ANKRD30BL: variants seen among roughly 807,000 people sequenced by gnomAD.
ANKRD30BL encodes the protein ankyrin repeat domain 30B like, also known as putative ankyrin repeat domain-containing protein 30B-like.
ANKRD30BL carries 20 observed loss-of-function variants against 18.4 expected under a neutral mutation model. The ratio of observed to expected loss-of-function variants is 1.09; its 90% confidence interval spans 0.77 to 1.58. The LOEUF (loss-of-function observed/expected upper bound fraction) is 1.58. Ranked by LOEUF, ANKRD30BL falls within the 40% of genes most tolerant of loss-of-function variation. The pLI, the probability that ANKRD30BL is intolerant of heterozygous loss-of-function variation, is 0.00. For missense variants in ANKRD30BL, 224 were observed against 268.6 expected (o/e 0.83, Z 1.16); for synonymous variants, 72 against 100.9 (o/e 0.71, Z 1.72).
At chr2:132,196,450 A>G (rs547969192) in intron 1 of ANKRD30BL, among the ~76,000 whole-genome samples, 9 of 133,164 alleles carry the variant, frequency 6.8e-5, no homozygotes, top group South Asian at 2.7e-4. Context: ...ACTCTGGGGG[A>G]AAAAAAAAGT....
At chr2:132,155,700 C>A (rs917908305) in intron 3 of ANKRD30BL, 1 of 151,896 alleles carries the variant, frequency 6.6e-6, no homozygotes, top group Non-Finnish European at 1.5e-5. Flanking sequence ...GAGATCGAGA[C>A]CATCGTGGTC....
At chr2:132,228,842 C>G (rs1273367166) in intron 1 of ANKRD30BL, among the ~76,000 whole-genome samples, 1 of 149,458 alleles carries the variant, frequency 6.7e-6, no homozygotes, top group Non-Finnish European at 1.5e-5. Context: ...ACAGAGTAAA[C>G]CTTTCTTTTG....
At chr2:132,179,482 T>C (rs1178065024) in intron 1 of ANKRD30BL, among the ~76,000 whole-genome samples, 1 of 151,954 alleles carries the variant, frequency 6.6e-6, no homozygotes, top group Non-Finnish European at 1.5e-5. Flanking sequence ...AGAAACAGGG[T>C]TTCACCATGT....
chr2:132,171,355 A>T (rs1259244066), intron 1 of ANKRD30BL, among the ~76,000 whole-genome samples: 1 of 152,124 alleles, frequency 6.6e-6, no homozygotes. Flanking sequence ...GAACCCAAAG[A>T]TTACTTCATT....
At chr2:132,199,078 GC>G (rs1469738260) in intron 1 of ANKRD30BL, among the ~76,000 whole-genome samples, 1 of 152,198 alleles carries the variant, frequency 6.6e-6, no homozygotes, top group African/African-American at 2.4e-5. Flanking sequence ...GCAGCTGGGT[GC>G]AGTGGCTCAC....
intron 1 of ANKRD30BL, among the ~76,000 whole-genome samples, chr2:132,241,179 A>G (rs1366405669): frequency 6.6e-6 from 1 of 151,904 alleles, no homozygotes; most frequent in East Asian, 1.9e-4. Context: ...ATATCTTCCC[A>G]TAAAAACTAG....
chr2:132,254,071 G>A lies in ANKRD30BL; in HGVS notation n.441+3458C>T, dbSNP rs542696195. 1.2e-4 allele frequency among the ~76,000 whole-genome samples: 18 copies of A among 146,560 alleles called. No homozygotes were observed. The East Asian group carries it at 3.0e-3, about 25-fold the overall frequency. On this transcript the variant is annotated intron_variant and non_coding_transcript_variant, in intron 1 of 4. Coordinates refer to the ANKRD30BL transcript ENST00000470729. Reference sequence around the variant, plus strand: ...GCCGAGAACCACCCCCGCGCCCACCGACACACACATGGGGGCCACAGCAGG... The same window carrying A: ...GCCGAGAACCACCCCCGCGCCCACCAACACACACATGGGGGCCACAGCAGG...
intron 1 of ANKRD30BL, among the ~76,000 whole-genome samples, chr2:132,183,263 CT>C: frequency 6.6e-6 from 1 of 151,934 alleles, no homozygotes; most frequent in South Asian, 2.1e-4. Context: ...TCTTGAGCAG[CT>C]GGGATTACAG....
intron 1 of ANKRD30BL, among the ~76,000 whole-genome samples, chr2:132,229,830 C>A (rs1445159679): frequency 3.3e-5 from 5 of 152,052 alleles, no homozygotes; most frequent in Non-Finnish European, 5.9e-5. Context: ...TCAGAAATTT[C>A]TTTGTGATTT....
chr2:132,201,505 A>T (rs1015991994), intron 1 of ANKRD30BL, among the ~76,000 whole-genome samples: 11 of 152,258 alleles, frequency 7.2e-5, no homozygotes, highest in African/African-American at 2.7e-4. Context: ...ACTTCTCAAA[A>T]GAAGACATTT....
intron 1 of ANKRD30BL, among the ~76,000 whole-genome samples, chr2:132,204,972 T>C (rs1679181519): frequency 6.6e-6 from 1 of 151,946 alleles, no homozygotes; most frequent in South Asian, 2.1e-4. Flanking sequence ...TCAAAGGAAA[T>C]GCTGGAAGTG....
chr2:132,229,848 C>T (rs1679957478), intron 1 of ANKRD30BL, among the ~76,000 whole-genome samples: 1 of 152,126 alleles, frequency 6.6e-6, no homozygotes, highest in African/African-American at 2.4e-5. Context: ...TTTGTGCATT[C>T]AACTCACAGA....
chr2:132,153,395 C>T (rs1573798593), intron 4 of ANKRD30BL: 40 of 379,026 alleles, frequency 1.1e-4, no homozygotes, highest in South Asian at 8.1e-4. Flanking sequence ...ACATTAGCGT[C>T]CCTAAAGCCC....
At chr2:132,196,678 CAGGAGGCTGAAGCAGGAG>C (rs1373490678) in intron 1 of ANKRD30BL, among the ~76,000 whole-genome samples, 5 of 151,558 alleles carry the variant, frequency 3.3e-5, no homozygotes, top group Admixed American at 6.6e-5. Context: ...TCCAGCCACT[CAGGAGGCTGAAGCAGGAG>C]AGGAGGCTGA....
At chr2:132,176,002 T>C (rs1032617764) in intron 1 of ANKRD30BL, among the ~76,000 whole-genome samples, 1 of 152,208 alleles carries the variant, frequency 6.6e-6, no homozygotes, top group African/African-American at 2.4e-5. Context: ...CCTTTCTACA[T>C]AGACACAGTA....
chr2:132,247,449 G>T (rs1040338146), intron 1 of ANKRD30BL, among the ~76,000 whole-genome samples: 30 of 151,424 alleles, frequency 2.0e-4, no homozygotes, highest in African/African-American at 6.8e-4. Context: ...GCATCATTGG[G>T]TTCAGAAATA....
chr2:132,161,409 C>T (rs1460082610), intron 1 of ANKRD30BL, 79 bp downstream of exon 1: 4 of 1,338,574 alleles, frequency 3.0e-6, no homozygotes, highest in South Asian at 1.3e-5. Flanking sequence ...CCCAGGACCC[C>T]CAGGCCCCAC....
chr2:132,172,336 C>T (rs1688297053), intron 1 of ANKRD30BL, among the ~76,000 whole-genome samples: 1 of 152,184 alleles, frequency 6.6e-6, no homozygotes, highest in African/African-American at 2.4e-5. Context: ...ACATTCCCAC[C>T]AGCAATGCAC....
chr2:132,182,815 T>C (rs944167636), intron 1 of ANKRD30BL, among the ~76,000 whole-genome samples: 3 of 152,100 alleles, frequency 2.0e-5, no homozygotes, highest in Non-Finnish European at 2.9e-5. Context: ...AAAGTTCTAC[T>C]GATATGTGAA....
Sources: gnomAD v4.1 joint callset for allele counts (sites outside exome capture counted in the v4.1 genomes callset) on GRCh38, gnomAD v4.1.1 for gene constraint, MANE v1.5 for transcripts, NCBI Gene and HGNC (gene_info 2026-07-23, HGNC 2026-07-21) for gene names.